The following NPL variants were observed in gnomAD, a reference collection of about 807,000 sequenced individuals.
The protein encoded by NPL is N-acetylneuraminate lyase.
NPL carries 32 observed loss-of-function variants against 41.1 expected under a neutral mutation model. The ratio of observed to expected loss-of-function variants is 0.78; its 90% CI spans 0.59 to 1.05. The LOEUF (loss-of-function observed/expected upper bound fraction) is 1.05, where lower values mean the gene tolerates loss of function less well. Among genes scored for constraint, NPL ranks in the 50% least tolerant of loss-of-function variants. The probability of loss-of-function intolerance (pLI) is 0.00; values close to 1 mark genes in which losing one functional copy is unlikely to be tolerated. For missense variants in NPL, 321 were observed against 378.4 expected (o/e 0.85, Z 1.26); for synonymous variants, 128 against 134.9 (o/e 0.95, Z 0.35).
At position 182,814,870 on chromosome 1, in the gene NPL, G is replaced by T. The variant is rs958172660; in HGVS notation, c.364+12G>T. ...GCCATGGACCAAAGGTAAGTAGATA[G>T]GTCTGAATGCATGGCATCTCACATG... On this transcript the variant is annotated intron_variant, in intron 7 of 12. Transcript: ENST00000367553. The T allele has an allele frequency of 6.2e-7, 1 of 1,605,972 alleles. No individual in the cohort carries two copies. The highest frequency in any genetic ancestry group is 1.7e-5 in the Admixed American group (1 of 59,992).
At chr1:182,827,545 C>A (rs1356298694) in intron 12 of NPL, among the ~76,000 whole-genome samples, 2 of 152,122 alleles carry the variant, frequency 1.3e-5, no homozygotes, top group African/African-American at 4.8e-5. Flanking sequence ...TGGATTATTT[C>A]CTTAGATCTA....
chr1:182,829,853 C>G lies in NPL; in HGVS notation c.*945C>G. The G allele has an allele frequency of 1.8e-6, 1 of 552,278 alleles. No individual in the cohort carries two copies. The highest frequency in any genetic ancestry group is 2.9e-5 in the East Asian group (1 of 34,360). 34.2% of individuals were successfully genotyped at this position (552,278 alleles called of 1,614,324 possible). A position where few individuals can be genotyped will look rare whatever the true frequency, so the allele number is the denominator to read the frequency against. ...AGGACTCAGAACTTTCTCTCCATAC[C>G]TCCTTTTACTCTTTTCTTTCTGTGT... On this transcript the variant is annotated 3_prime_UTR_variant, in exon 13 of 13. Coordinates refer to ENST00000367553, the MANE Select transcript of NPL (RefSeq NM_030769.3).
intron 5 of NPL, chr1:182,806,582 T>C: frequency 6.6e-7 from 1 of 1,525,600 alleles, no homozygotes; most frequent in Non-Finnish European, 8.8e-7. Context: ...GCTCTTCCAC[T>C]GAGCAACTCA....
chr1:182,823,151 A>G (rs1301334512), intron 11 of NPL, among the ~76,000 whole-genome samples: 4 of 152,226 alleles, frequency 2.6e-5, no homozygotes, highest in East Asian at 3.8e-4. Context: ...TCAGGATAGT[A>G]TAAGTGGTTG....
chr1:182,805,255 C>T (rs1363322329), intron 4 of NPL, among the ~76,000 whole-genome samples: 1 of 145,582 alleles, frequency 6.9e-6, no homozygotes, highest in East Asian at 1.9e-4. Flanking sequence ...CATGGCAAAA[C>T]CCCATCTCTA....
intron 1 of NPL, among the ~76,000 whole-genome samples, chr1:182,790,611 C>CTTTTGT (rs1553232084): frequency 3.1e-4 from 42 of 133,380 alleles, no homozygotes; most frequent in Non-Finnish European, 6.0e-4. Flanking sequence ...CTGTTAAAGT[C>CTTTTGT]TTTTGTTGTT....
intron 3 of NPL, among the ~76,000 whole-genome samples, chr1:182,799,801 G>A (rs1666782646): frequency 6.6e-6 from 1 of 150,960 alleles, no homozygotes; most frequent in Non-Finnish European, 1.5e-5. Context: ...TGAATCCCCA[G>A]GAATTGAAAT....
intron 2 of NPL, 39 bp from the exon 3 acceptor site, chr1:182,794,317 C>A: frequency 6.5e-7 from 1 of 1,541,650 alleles, no homozygotes; most frequent in Non-Finnish European, 9.0e-7. Flanking sequence ...CATTGACATT[C>A]CTTGAAGAAA....
At chr1:182,820,459 C>T (rs1403442294) in intron 10 of NPL, among the ~76,000 whole-genome samples, 5 of 152,146 alleles carry the variant, frequency 3.3e-5, no homozygotes, top group Admixed American at 3.3e-4. Flanking sequence ...GGTATTTCTA[C>T]TGAGGAAATT....
chr1:182,796,242 A>T (rs1666663590), intron 3 of NPL, among the ~76,000 whole-genome samples: 1 of 150,638 alleles, frequency 6.6e-6, no homozygotes, highest in Non-Finnish European at 1.5e-5. Context: ...AGTGTATAGC[A>T]CAGAGTAGGC....
At position 182,814,947 on chromosome 1, in the gene NPL, T is replaced by C. The variant is rs1033773030; in HGVS notation, c.364+89T>C. On this transcript the variant is annotated intron_variant, in intron 7 of 12. Coordinates refer to ENST00000367553, the MANE Select transcript of NPL (RefSeq NM_030769.3). ...AATGGTTATATTTAATTTGTGAAAG[T>C]AAAGCACTATAGATTGGAGGCTTGA... 8.5e-6 allele frequency: 9 copies of C among 1,055,664 alleles called. No individual in the cohort carries two copies. In the African/African-American group the frequency reaches 1.2e-4, roughly 15 times the overall value. 65.4% of individuals were successfully genotyped at this position (1,055,664 alleles called of 1,614,324 possible). A position where few individuals can be genotyped will look rare whatever the true frequency, so the allele number is the denominator to read the frequency against.
At chr1:182,797,449 C>T (rs1351965760) in intron 3 of NPL, among the ~76,000 whole-genome samples, 3 of 152,164 alleles carry the variant, frequency 2.0e-5, no homozygotes, top group South Asian at 4.1e-4. Context: ...TGAGATGAGC[C>T]GGTCTAAAGA....
rs765320967 is a variant in NPL at position 182,818,685 on chromosome 1, A to G, written c.602A>G (p.Asp201Gly). ...CAGTTTGCTTTCCTTTTTGGGGTGG[A>G]TGAGGTAAGTCACCCCCTAGCATGT... ...QQQFAFLFGV[D>G]EQLLSALVMG... The change falls in exon 9 of 13, where the codon GAT becomes GGT. Residue 201 changes from aspartate (D) to glycine (G), a missense_variant. Coordinates refer to ENST00000367553, the MANE Select transcript of NPL (RefSeq NM_030769.3). The G allele has an allele frequency of 1.2e-6, 2 of 1,614,142 alleles. No individual in the cohort carries two copies. The highest frequency in any genetic ancestry group is 2.2e-5 in the South Asian group (2 of 91,076).
At chr1:182,791,822 C>T (rs947827472) in intron 1 of NPL, among the ~76,000 whole-genome samples, 7 of 152,136 alleles carry the variant, frequency 4.6e-5, no homozygotes, top group African/African-American at 1.7e-4. Context: ...GTGTTTAATG[C>T]TGACTCAAGC....
In NPL at chr1:182,825,789, C is replaced by G; in HGVS notation, c.747C>G (p.Ile249Met). The G allele has an allele frequency of 6.3e-7, 1 of 1,585,630 alleles. No homozygotes were observed. The highest frequency in any genetic ancestry group is 1.1e-5 in the South Asian group (1 of 90,474). The change falls in exon 12 of 13, where the codon ATC becomes ATG. Residue 249 changes from isoleucine to methionine, a missense_variant. Transcript: ENST00000367553. ...FSLALNYQFCIQRFINFVVKL... is the reference protein window; with the variant it reads ...FSLALNYQFCMQRFINFVVKL... ...ATGTTGTTCTTTTCTAGTTTTGTAT[C>G]CAGAGATTTATCAACTTTGTTGTCA...
At chr1:182,811,966 A>G (rs1389947578) in intron 5 of NPL, among the ~76,000 whole-genome samples, 190 bp from the exon 6 acceptor site, 1 of 152,204 alleles carries the variant, frequency 6.6e-6, no homozygotes, top group Non-Finnish European at 1.5e-5. Flanking sequence ...CAAGACTTTG[A>G]TATCAATGAC....
chr1:182,799,253 T>C (rs1666764944), intron 3 of NPL, among the ~76,000 whole-genome samples: 1 of 152,232 alleles, frequency 6.6e-6, no homozygotes, highest in African/African-American at 2.4e-5. Flanking sequence ...CTTCCGCTTA[T>C]GTAGTTTGGG....
intron 1 of NPL, among the ~76,000 whole-genome samples, chr1:182,790,192 C>T (rs1666460871): frequency 6.6e-6 from 1 of 152,188 alleles, no homozygotes; most frequent in Non-Finnish European, 1.5e-5. Flanking sequence ...CTATTTGTAT[C>T]TCCTCTTCTC....
chr1:182,806,529 A>C (rs1275814739), intron 5 of NPL: 2 of 1,536,166 alleles, frequency 1.3e-6, no homozygotes, highest in South Asian at 1.2e-5. Flanking sequence ...TTTGGGCTGA[A>C]AGGTAAGAGG....
Sources: gnomAD v4.1 joint callset for allele counts (sites outside exome capture counted in the v4.1 genomes callset) on GRCh38, gnomAD v4.1.1 for gene constraint, MANE v1.5 for transcripts, NCBI Gene and HGNC (gene_info 2026-07-23, HGNC 2026-07-21) for gene names.